NUBP1: variants seen among roughly 807,000 people sequenced by gnomAD.
The protein encoded by NUBP1 is cytosolic Fe-S cluster assembly factor NUBP1.
Under a neutral mutation model 41.8 loss-of-function variants are expected in NUBP1, and 46 were observed. The observed-to-expected ratio is 1.10, with a 90% confidence interval of 0.87 to 1.41. The LOEUF (loss-of-function observed/expected upper bound fraction) is 1.41, where lower values mean the gene tolerates loss of function less well. Ranked by LOEUF, NUBP1 falls within the 40% of genes most tolerant of loss-of-function variation. NUBP1 has a pLI of 0.00. For missense variants in NUBP1, 494 were observed against 414.0 expected (o/e 1.19, Z -1.68); for synonymous variants, 189 against 154.6 (o/e 1.22, Z -1.65).
In NUBP1 at chr16:10,766,914, T is replaced by C; in HGVS notation, c.821-1035T>C. 1 of 398,674 alleles carries C rather than the reference T, an allele frequency of 2.5e-6. No homozygotes were observed. The highest frequency in any genetic ancestry group is 3.6e-5 in the East Asian group (1 of 28,080). 24.7% of individuals were successfully genotyped at this position (398,674 alleles called of 1,614,324 possible). On this transcript the variant is annotated intron_variant, in intron 9 of 10. Transcript: ENST00000283027. This position sits in a 1 kb window ranked among gnomAD's most constrained non-coding sequence, Gnocchi z 4.8. ...ATGGCTCAAGTGCGAATTGGCCTTA[T>C]GTTCCCTGCCTCTGGACCCTATTTT...
intron 2 of NUBP1, 117 bp from the exon 3 acceptor site, chr16:10,747,026 T>TA: frequency 1.6e-6 from 2 of 1,260,174 alleles, no homozygotes; most frequent in Non-Finnish European, 2.2e-6. Flanking sequence ...AGGATCGTTT[T>TA]AAACAGCCCC....
rs2030911618 is a variant in NUBP1 at position 10,766,602 on chromosome 16, G to A, written c.821-1347G>A. ...CCTAGCGAGTTCCACATGGTCTCAT[G>A]GGCCCAGCGTTAACGGCGGAGGATG... is the stretch of plus-strand genomic sequence containing the variant. On this transcript the variant is annotated intron_variant, in intron 9 of 10. Transcript: ENST00000283027. The surrounding 1 kb of genome is among the most constrained non-coding windows in gnomAD (Gnocchi z 4.8). 5.5e-6 allele frequency: 1 copy of A among 181,372 alleles called. No homozygotes were observed. The highest frequency in any genetic ancestry group is 6.2e-5 in the Admixed American group (1 of 16,026). The allele number at this position is 181,372 out of a possible 1,614,324, so 11.2% of individuals were successfully genotyped here. A position where few individuals can be genotyped will look rare whatever the true frequency, so the allele number is the denominator to read the frequency against.
Position 10,761,834 on chromosome 16 carries a change from C to T in NUBP1, c.795C>T (p.Gly265=). The change falls in exon 9 of 11, where the codon GGC becomes GGT. Residue 265 remains glycine (G), a synonymous_variant. Transcript: ENST00000283027. ...AGGACTTGGAGGTCCCTCTCCTCGG[C>T]AGAGTGCCCCTGGATCCGCTCATAG... ...MCQDLEVPLL[G]RVPLDPLIGK... 1 of 1,614,080 alleles carries T rather than the reference C, an allele frequency of 6.2e-7. No homozygotes were observed. The highest frequency in any genetic ancestry group is 8.5e-7 in the Non-Finnish European group (1 of 1,179,954).
Position 10,757,936 on chromosome 16 carries a change from C to T in NUBP1, c.515C>T (p.Thr172Ile), listed in dbSNP as rs1456262457. 1.2e-6 allele frequency: 2 copies of T among 1,613,980 alleles called. No individual in the cohort carries two copies. The highest frequency in any genetic ancestry group is 1.3e-5 in the African/African-American group (1 of 74,892). ...GAGGTCGACTACCTCATTGTGGACA[C>T]CCCACCTGGGACGTCGGATGAACAC... ...WGEVDYLIVD[T>I]PPGTSDEHLS... The change falls in exon 7 of 11, where the codon ACC becomes ATC. Residue 172 changes from threonine (T) to isoleucine (I), a missense_variant. Transcript: ENST00000283027. This position sits in a 1 kb window ranked among gnomAD's most constrained non-coding sequence, Gnocchi z 4.1.
At chr16:10,751,314 T>C (rs1034174243) in intron 3 of NUBP1, among the ~76,000 whole-genome samples, 164 of 152,290 alleles carry the variant, frequency 1.1e-3, no homozygotes, top group African/African-American at 3.9e-3. Context: ...CCGTGGATCA[T>C]TGACACATCA....
At chr16:10,744,098 A>G (rs1250196404) in intron 2 of NUBP1, 33 bp downstream of exon 2, 1 of 1,348,204 alleles carries the variant, frequency 7.4e-7, no homozygotes, top group East Asian at 3.3e-5. Flanking sequence ...ACAGGAACTT[A>G]GAGGCGCAGG....
rs570242928 is a variant in NUBP1, at chr16:10,755,224, A to T, written c.328-497A>T. On this transcript the variant is annotated intron_variant, in intron 4 of 10. Coordinates refer to ENST00000283027, the MANE Select transcript of NUBP1 (RefSeq NM_002484.4). The stretch of plus-strand genomic sequence containing the variant: ...CAGTGTGCGCTTTGTGTGCTGCTGG[A>T]CACCTGCTGGGGGGAAGAGGTCTGA... 2.6e-5 allele frequency among the ~76,000 whole-genome samples: 4 copies of T among 152,280 alleles called. No homozygotes were observed. In the East Asian group the frequency reaches 7.7e-4, roughly 29 times the overall value.
intron 3 of NUBP1, 82 bp downstream of exon 3, chr16:10,747,358 G>A (rs538604741): frequency 1.9e-6 from 3 of 1,560,132 alleles, no homozygotes; most frequent in Admixed American, 3.4e-5. Context: ...CCTAGGCCAG[G>A]CGCAGTGGTT....
At position 10,769,113 on chromosome 16, in the gene NUBP1, G is replaced by C; in HGVS notation, c.*8G>C. ...AACCTCATCAGTTCCTGAAACGAGA[G>C]AATGTTCAGGACCAAGCAGTTACCG... On this transcript the variant is annotated 3_prime_UTR_variant, in exon 11 of 11. Coordinates refer to ENST00000283027, the MANE Select transcript of NUBP1 (RefSeq NM_002484.4). The C allele has an allele frequency of 6.2e-7, 1 of 1,613,424 alleles. No homozygotes were observed. Among genetic ancestry groups the C allele is most frequent in the East Asian group, 2.2e-5 (1 of 44,868 alleles).
chr16:10,766,809 G>A lies in NUBP1; in HGVS notation c.821-1140G>A, dbSNP rs1451872996. The A allele has an allele frequency of 5.0e-6, 2 of 397,378 alleles. No homozygotes were observed. The highest frequency in any genetic ancestry group is 2.1e-5 in the African/African-American group (1 of 48,598). 24.6% of individuals were successfully genotyped at this position (397,378 alleles called of 1,614,324 possible). A position where few individuals can be genotyped will look rare whatever the true frequency, so the allele number is the denominator to read the frequency against. Reference sequence around the variant, plus strand: ...TTTAAATACCCTCTACTTGAGGTACGCCCTATATAAACGAAAAGGATGAAG... The same window carrying A: ...TTTAAATACCCTCTACTTGAGGTACACCCTATATAAACGAAAAGGATGAAG... On this transcript the variant is annotated intron_variant, in intron 9 of 10. Coordinates refer to ENST00000283027, the MANE Select transcript of NUBP1 (RefSeq NM_002484.4). This position sits in a 1 kb window ranked among gnomAD's most constrained non-coding sequence, Gnocchi z 4.8.
In NUBP1 at chr16:10,752,612, T is replaced by C. The variant is rs1189093771; in HGVS notation, c.261T>C (p.Ile87=). Residue 87 remains isoleucine, a splice_region_variant and synonymous_variant, in exon 4 of 11, where the codon ATT becomes ATC. Transcript: ENST00000283027. ...CTTTGGTCTCTTCTTGTCCCCAGAT[T>C]GCTCTTCTAGACATCGATATATGTG... ...HGLAEDENTQ[I]ALLDIDICGP... The C allele has an allele frequency of 1.9e-6, 3 of 1,613,454 alleles. No individual in the cohort carries two copies. In the South Asian group the frequency reaches 3.3e-5, roughly 18 times the overall value.
At chr16:10,761,648 C>T (rs1418622767) in intron 8 of NUBP1, 109 bp from the exon 9 acceptor site, 1 of 1,024,630 alleles carries the variant, frequency 9.8e-7, no homozygotes, top group East Asian at 2.5e-5. Flanking sequence ...TTAAGGGTTC[C>T]ACATTCAAAC....
At chr16:10,762,010 C>T (rs1192707432) in intron 9 of NUBP1, 151 bp downstream of exon 9, 3 of 605,164 alleles carry the variant, frequency 5.0e-6, no homozygotes, top group Non-Finnish European at 8.6e-6. Flanking sequence ...AGCTGGCACC[C>T]CAAGAGGCCA....
chr16:10,767,751 C>T lies in NUBP1; in HGVS notation c.821-198C>T, dbSNP rs1044032445. 10 of 589,428 alleles carry T rather than the reference C, an allele frequency of 1.7e-5. No homozygotes were observed. Among genetic ancestry groups the T allele is most frequent in the East Asian group, 2.9e-5 (1 of 34,838 alleles). The allele number at this position is 589,428 out of a possible 1,614,324, so 36.5% of individuals were successfully genotyped here. On this transcript the variant is annotated intron_variant, in intron 9 of 10. Transcript: ENST00000283027. This position sits in a 1 kb window ranked among gnomAD's most constrained non-coding sequence, Gnocchi z 4.6. ...TGTACACCACCTGATTATTTAGCCA[C>T]GCTGAAATGCTGGCTGGGGACCCTG...
chr16:10,762,728 C>T (rs17763225), intron 9 of NUBP1, among the ~76,000 whole-genome samples: 6,778 of 151,698 alleles, frequency 0.045, 279 homozygotes, highest in African/African-American at 0.1. Flanking sequence ...GGAACCAAGG[C>T]CAGTGTGAGG....
At position 10,766,130 on chromosome 16, in the gene NUBP1, G is replaced by A. The variant is rs962177322; in HGVS notation, c.821-1819G>A. The A allele has an allele frequency of 5.2e-5, 8 of 152,522 alleles. No homozygotes were observed. Among genetic ancestry groups the A allele is most frequent in the Non-Finnish European group, 8.8e-5 (6 of 68,276 alleles). 9.4% of individuals were successfully genotyped at this position (152,522 alleles called of 1,614,324 possible). On this transcript the variant is annotated intron_variant, in intron 9 of 10. Coordinates refer to ENST00000283027, the MANE Select transcript of NUBP1 (RefSeq NM_002484.4). The surrounding 1 kb of genome is among the most constrained non-coding windows in gnomAD (Gnocchi z 4.8). Reference sequence around the variant, plus strand: ...GAGTTACAGATGCCAGCGCTCTGGTGCTATGGGTCCTGGTCCCGGTGTGCT... The same window carrying A: ...GAGTTACAGATGCCAGCGCTCTGGTACTATGGGTCCTGGTCCCGGTGTGCT...
chr16:10,763,089 C>G (rs1245422897), intron 9 of NUBP1, among the ~76,000 whole-genome samples: 1 of 152,040 alleles, frequency 6.6e-6, no homozygotes, highest in Non-Finnish European at 1.5e-5. Flanking sequence ...GCTGCCAGTA[C>G]AAGTCACCTG....
Position 10,769,291 on chromosome 16 carries a change from C to T in NUBP1, c.*186C>T. 1 of 571,334 alleles carries T rather than the reference C, an allele frequency of 1.8e-6. No individual in the cohort carries two copies. Among genetic ancestry groups the T allele is most frequent in the Non-Finnish European group, 3.1e-6 (1 of 321,530 alleles). The allele number at this position is 571,334 out of a possible 1,614,324, so 35.4% of individuals were successfully genotyped here. A position where few individuals can be genotyped will look rare whatever the true frequency, so the allele number is the denominator to read the frequency against. ...AGTATTTGTACACTTTTCTTTAGAA[C>T]ATATATAAAGGGCATTCTCTACAAA... On this transcript the variant is annotated 3_prime_UTR_variant, in exon 11 of 11. Transcript: ENST00000283027.
chr16:10,754,338 G>A (rs1596454677), intron 4 of NUBP1, among the ~76,000 whole-genome samples: 2 of 152,120 alleles, frequency 1.3e-5, no homozygotes, highest in East Asian at 3.9e-4. Flanking sequence ...CGCCTCCCGG[G>A]CTCAAGCAGT....
Sources: gnomAD v4.1 joint callset for allele counts (sites outside exome capture counted in the v4.1 genomes callset) on GRCh38, gnomAD v4.1.1 for gene constraint, Gnocchi (gnomAD v3.1) non-coding constraint, MANE v1.5 for transcripts, NCBI Gene and HGNC (gene_info 2026-07-23, HGNC 2026-07-21) for gene names.